CNTNAP2: variants seen among roughly 807,000 people sequenced by gnomAD.
CNTNAP2 encodes contactin-associated protein-like 2.
A neutral mutation model predicts 155.2 loss-of-function variants in CNTNAP2; 98 were observed. That is an observed-to-expected ratio of 0.63 (90% CI 0.54 to 0.75). The LOEUF (loss-of-function observed/expected upper bound fraction) is 0.75, where lower values mean the gene tolerates loss of function less well. CNTNAP2 is among the 30% of genes least tolerant of loss of function. The pLI, the probability that CNTNAP2 is intolerant of heterozygous loss-of-function variation, is 0.00. For missense variants in CNTNAP2, 1,727 were observed against 1,688.1 expected (o/e 1.02, Z -0.40); for synonymous variants, 651 against 631.2 (o/e 1.03, Z -0.47).
intron 8 of CNTNAP2, among the ~76,000 whole-genome samples, chr7:147,212,181 C>T (rs984990234): frequency 1.9e-4 from 29 of 152,120 alleles, no homozygotes; most frequent in Admixed American, 7.9e-4. Context: ...CCATGGAAAG[C>T]AGTTTGGAGA....
intron 1 of CNTNAP2, among the ~76,000 whole-genome samples, chr7:146,642,988 C>T (rs1015769029): frequency 1.4e-5 from 2 of 144,320 alleles, no homozygotes; most frequent in African/African-American, 5.3e-5. Flanking sequence ...TGTCCTTTGC[C>T]CACTTTTTGA....
intron 8 of CNTNAP2, among the ~76,000 whole-genome samples, chr7:147,275,415 T>TTG (rs140379075): frequency 0.19 from 28,183 of 148,512 alleles, 2,875 homozygotes; most frequent in Non-Finnish European, 0.24. Flanking sequence ...TTGTGTATGT[T>TTG]TGTGTGTGTG....
rs544428088 is a variant in CNTNAP2 at position 148,182,036 on chromosome 7, C to T, written c.3010+9558C>T. ...CCTCCCAAAGTGCTGGGATTACAGGCGTGAGCCACCGCGCCTGGCCAAGTG... is the reference window on the plus strand; with the variant it reads ...CCTCCCAAAGTGCTGGGATTACAGGTGTGAGCCACCGCGCCTGGCCAAGTG... On this transcript the variant is annotated intron_variant, in intron 18 of 23. Coordinates refer to ENST00000361727, the MANE Select transcript of CNTNAP2 (RefSeq NM_014141.6). 5.3e-5 allele frequency among the ~76,000 whole-genome samples: 8 copies of T among 150,698 alleles called. No homozygotes were observed. In the East Asian group the frequency reaches 1.0e-3, roughly 19 times the overall value.
intron 18 of CNTNAP2, among the ~76,000 whole-genome samples, chr7:148,177,516 C>T (rs148481351): frequency 9.2e-5 from 14 of 152,256 alleles, no homozygotes; most frequent in African/African-American, 2.6e-4. Flanking sequence ...AATACAAGTT[C>T]GAAGAAAAAC....
chr7:148,027,097 A>G (rs912896031), intron 15 of CNTNAP2, among the ~76,000 whole-genome samples: 1 of 152,160 alleles, frequency 6.6e-6, no homozygotes, highest in African/African-American at 2.4e-5. Context: ...GGGTTTTCAC[A>G]CGACTGTGTG....
chr7:147,543,680 G>A (rs1308486411), intron 11 of CNTNAP2, among the ~76,000 whole-genome samples: 2 of 152,114 alleles, frequency 1.3e-5, no homozygotes, highest in Non-Finnish European at 2.9e-5. Flanking sequence ...TGATCTTGAT[G>A]CATGTAATAA....
intron 1 of CNTNAP2, among the ~76,000 whole-genome samples, chr7:146,533,815 T>G (rs1421486676): frequency 1.3e-5 from 2 of 152,078 alleles, no homozygotes; most frequent in African/African-American, 4.8e-5. Context: ...ATATTCAGTT[T>G]TGTTTGCTCT....
chr7:146,177,197 G>A lies in CNTNAP2; in HGVS notation c.97+60224G>A, dbSNP rs1798481987. Among the ~76,000 whole-genome samples, 3 of 152,146 alleles carry A rather than the reference G, an allele frequency of 2.0e-5. No homozygotes were observed. The South Asian group carries it at 6.2e-4, about 31-fold the overall frequency. Reference sequence around the variant, plus strand: ...ACAGCATTTCCTGAATTTTACATCTGGACAGTATTGAAGGGCAGCGGGGCC... The same window carrying A: ...ACAGCATTTCCTGAATTTTACATCTAGACAGTATTGAAGGGCAGCGGGGCC... On this transcript the variant is annotated intron_variant, in intron 1 of 23. Transcript: ENST00000361727.
chr7:146,987,007 A>T lies in CNTNAP2; in HGVS notation c.403-56900A>T, dbSNP rs189813289. Among the ~76,000 whole-genome samples the T allele has an allele frequency of 5.8e-3, 868 of 150,580 alleles. 2 individuals are homozygous for T. The highest frequency in any genetic ancestry group is 0.017 in the Middle Eastern group (5 of 292). On this transcript the variant is annotated intron_variant, in intron 3 of 23. Transcript: ENST00000361727. ...TCGTTCTCTGAAGAACCTGCAGAGA[A>T]CCCTCGTCTGGAGAAAAATTCTGTC... is the stretch of plus-strand genomic sequence containing the variant.
intron 1 of CNTNAP2, among the ~76,000 whole-genome samples, chr7:146,123,323 A>C (rs1349264007): frequency 6.6e-6 from 1 of 152,210 alleles, no homozygotes; most frequent in Admixed American, 6.5e-5. Context: ...GATTCTGAGA[A>C]TACTTTTACC....
chr7:146,622,484 T>G (rs953943139), intron 1 of CNTNAP2, among the ~76,000 whole-genome samples: 36 of 152,122 alleles, frequency 2.4e-4, no homozygotes, highest in African/African-American at 8.4e-4. Context: ...TGCATATCTA[T>G]AAATTTCTAT....
chr7:147,246,135 AT>A (rs1170628980), intron 8 of CNTNAP2, among the ~76,000 whole-genome samples: 2 of 107,632 alleles, frequency 1.9e-5, no homozygotes, highest in Non-Finnish European at 3.5e-5. Flanking sequence ...TATATATGAG[AT>A]TTATTTTAAA....
chr7:146,832,995 T>C (rs73459353), intron 2 of CNTNAP2, among the ~76,000 whole-genome samples: 28,267 of 152,042 alleles, frequency 0.19, 8,308 homozygotes, highest in African/African-American at 0.62. Context: ...CATGCCCAGC[T>C]TAGCTCACTA....
intron 21 of CNTNAP2, among the ~76,000 whole-genome samples, chr7:148,291,393 G>C (rs984716998): frequency 1.3e-5 from 2 of 151,944 alleles, no homozygotes; most frequent in African/African-American, 2.4e-5. Context: ...TGAAGAGCAA[G>C]GAGAGACAGT....
chr7:147,402,558 G>C (rs925014405), intron 10 of CNTNAP2, among the ~76,000 whole-genome samples: 1 of 152,242 alleles, frequency 6.6e-6, no homozygotes, highest in Non-Finnish European at 1.5e-5. Context: ...AGGATGGTTG[G>C]TGACTATACA....
intron 12 of CNTNAP2, among the ~76,000 whole-genome samples, chr7:147,626,335 T>C (rs73470928): frequency 0.09 from 13,589 of 151,800 alleles, 1,697 homozygotes; most frequent in African/African-American, 0.26. Flanking sequence ...GCCTTGCCAA[T>C]TGCATGGGGG....
intron 1 of CNTNAP2, among the ~76,000 whole-genome samples, chr7:146,474,992 AGCGCGCAC>A (rs1796853433): frequency 1.4e-5 from 2 of 138,418 alleles, no homozygotes; most frequent in South Asian, 2.2e-4. Flanking sequence ...CCTGAGCACG[AGCGCGCAC>A]GCGCGCGCGC....
intron 1 of CNTNAP2, among the ~76,000 whole-genome samples, chr7:146,283,967 T>C (rs1800290016): frequency 6.6e-6 from 1 of 152,224 alleles, no homozygotes; most frequent in African/African-American, 2.4e-5. Context: ...AGGGTTGTTA[T>C]TTATACTCCC....
intron 14 of CNTNAP2, among the ~76,000 whole-genome samples, chr7:147,961,241 A>C (rs1013355063): frequency 1.3e-5 from 2 of 152,146 alleles, no homozygotes; most frequent in African/African-American, 4.8e-5. Flanking sequence ...AAATGAAAAA[A>C]TCCATGTATC....
Sources: allele counts gnomAD v4.1 joint callset (sites outside exome capture counted in the v4.1 genomes callset), GRCh38; gene constraint gnomAD v4.1.1; transcripts MANE v1.5; gene names NCBI Gene and HGNC (gene_info 2026-07-23, HGNC 2026-07-21).